SKIL: variants seen among roughly 807,000 people sequenced by gnomAD.
SKIL encodes the protein ski-like protein.
In SKIL, 20 loss-of-function variants were observed where a neutral mutation model predicts 69.6. The ratio of observed to expected loss-of-function variants is 0.29; its 90% CI spans 0.20 to 0.42. The LOEUF is 0.42. SKIL is among the 10% of genes least tolerant of loss of function. The probability of loss-of-function intolerance (pLI) is 1.00; values close to 1 mark genes in which losing one functional copy is unlikely to be tolerated. For synonymous variants in SKIL, 310 were observed against 279.9 expected, an observed-to-expected ratio of 1.11 and a Z score of -1.08; for missense variants, 745 against 783.1, an observed-to-expected ratio of 0.95 and a Z score of 0.58.
At chr3:170,382,709 G>T (rs999403791) in intron 3 of SKIL, among the ~76,000 whole-genome samples, 10 of 134,960 alleles carry the variant, frequency 7.4e-5, no homozygotes, top group African/African-American at 2.7e-4. Flanking sequence ...GCCCCGAGCC[G>T]CAACTTCAAT....
chr3:170,362,341 A>G (rs548266068), intron 2 of SKIL, among the ~76,000 whole-genome samples: 27 of 152,156 alleles, frequency 1.8e-4, no homozygotes, highest in Admixed American at 1.7e-3. Flanking sequence ...CATCTCTACT[A>G]AAAATACAAA....
chr3:170,395,593 C>T lies in SKIL; in HGVS notation c.*3176C>T, dbSNP rs563850299. ...GAAGGAAGGTAAAGTTATAAGGAAA[C>T]TCAAATACTATAAGATGTGTCAAGG... On this transcript the variant is annotated 3_prime_UTR_variant, in exon 7 of 7. Coordinates refer to ENST00000259119, the MANE Select transcript of SKIL (RefSeq NM_005414.5). The T allele has an allele frequency of 6.6e-6, 1 of 152,150 alleles. No homozygotes were observed. The highest frequency in any genetic ancestry group is 1.9e-4 in the East Asian group (1 of 5,188). 9.4% of individuals were successfully genotyped at this position (152,150 alleles called of 1,614,324 possible). A position where few individuals can be genotyped will look rare whatever the true frequency, so the allele number is the denominator to read the frequency against.
At position 170,360,688 on chromosome 3, in the gene SKIL, T is replaced by G; in HGVS notation, c.357T>G (p.Thr119=). 3.1e-6 allele frequency: 5 copies of G among 1,614,206 alleles called. No individual in the cohort carries two copies. Among genetic ancestry groups the G allele is most frequent in the Non-Finnish European group, 4.2e-6 (5 of 1,180,030 alleles). The change falls in exon 2 of 7, where the codon ACT becomes ACG. Residue 119 remains threonine, a synonymous_variant. Coordinates refer to ENST00000259119, the MANE Select transcript of SKIL (RefSeq NM_005414.5). The stretch of plus-strand genomic sequence containing the variant: ...ATTCCCAAGAAAGCATGTCGCCTAC[T>G]GTATTTCTGCCTCTTCCATCACCTC... The part of the protein sequence containing the change: ...ARHSQESMSP[T]VFLPLPSPQV...
chr3:170,362,658 T>C lies in SKIL; in HGVS notation c.1098+1229T>C, dbSNP rs542025702. Among the ~76,000 whole-genome samples the C allele has an allele frequency of 6.6e-5, 10 of 151,320 alleles. No individual in the cohort carries two copies. In the South Asian group the frequency reaches 2.1e-3, roughly 32 times the overall value. ...GGTAAAACCCCATCTCTACTAAAAA[T>C]ACAAAAATTAGCCAGGCATGGTGGT... is the stretch of plus-strand genomic sequence containing the variant. On this transcript the variant is annotated intron_variant, in intron 2 of 6. Coordinates refer to ENST00000259119, the MANE Select transcript of SKIL (RefSeq NM_005414.5).
At chr3:170,366,262 A>G (rs1302342743) in intron 2 of SKIL, among the ~76,000 whole-genome samples, 1 of 152,048 alleles carries the variant, frequency 6.6e-6, no homozygotes, top group Non-Finnish European at 1.5e-5. Context: ...AAAATATGTA[A>G]TATATTAATA....
At chr3:170,380,164 A>G (rs373740175) in intron 2 of SKIL, among the ~76,000 whole-genome samples, 35 of 152,200 alleles carry the variant, frequency 2.3e-4, no homozygotes, top group Admixed American at 4.6e-4. Context: ...TAGGAAATAT[A>G]GTTTAATGAC....
intron 2 of SKIL, among the ~76,000 whole-genome samples, chr3:170,364,013 C>G (rs1433559580): frequency 6.6e-6 from 1 of 152,108 alleles, no homozygotes; most frequent in Non-Finnish European, 1.5e-5. Flanking sequence ...TGCAGTGGCA[C>G]GATCTCGGCT....
At position 170,360,631 on chromosome 3, in the gene SKIL, G is replaced by T. The variant is rs1254558355; in HGVS notation, c.300G>T (p.Ser100=). The T allele has an allele frequency of 6.2e-7, 1 of 1,614,126 alleles. No individual in the cohort carries two copies. Among genetic ancestry groups the T allele is most frequent in the Non-Finnish European group, 8.5e-7 (1 of 1,180,028 alleles). The stretch of plus-strand genomic sequence containing the variant: ...AATTCCATTTAAGTAGTCAGAGCTC[G>T]CTGGGTGGACCAGCAGCATTTTCTG... ...LAQFHLSSQS[S]LGGPAAFSAR... Residue 100 remains serine, a synonymous_variant, in exon 2 of 7, where the codon TCG becomes TCT. Coordinates refer to ENST00000259119, the MANE Select transcript of SKIL (RefSeq NM_005414.5).
intron 2 of SKIL, among the ~76,000 whole-genome samples, chr3:170,371,439 G>A (rs950912848): frequency 2.0e-5 from 3 of 152,116 alleles, no homozygotes; most frequent in African/African-American, 7.2e-5. Context: ...TCCAGGAATC[G>A]GAGGTTGCAA....
chr3:170,391,422 A>G lies in SKIL; in HGVS notation c.1896+162A>G, dbSNP rs546836741. Among the ~76,000 whole-genome samples the G allele has an allele frequency of 7.9e-5, 12 of 151,834 alleles. No homozygotes were observed. The South Asian group carries it at 1.7e-3, about 21-fold the overall frequency. ...AACCTCTGCCTCCCGGGTTCAAGCAATTTTCCTGCCTCAGCCTCCTGATTG... is the reference window on the plus strand; with the variant it reads ...AACCTCTGCCTCCCGGGTTCAAGCAGTTTTCCTGCCTCAGCCTCCTGATTG... On this transcript the variant is annotated intron_variant, in intron 6 of 6. Transcript: ENST00000259119.
intron 2 of SKIL, among the ~76,000 whole-genome samples, chr3:170,368,205 C>T (rs1736639600): frequency 6.6e-6 from 1 of 152,058 alleles, no homozygotes; most frequent in Non-Finnish European, 1.5e-5. Context: ...TTATATTTTG[C>T]AATTAGCAAA....
Position 170,376,042 on chromosome 3 carries a change from CTTTTTTTT to C in SKIL, c.1099-5186_1099-5179del, listed in dbSNP as rs869036195. On this transcript the variant is annotated intron_variant, in intron 2 of 6. Transcript: ENST00000259119. Reference sequence around the variant, plus strand: ...TCTCATTTAATTCAAGCTGATTTTCCTTTTTTTTTTTTTTTTTTTTTTTGAGACGGAGT... The same window carrying C: ...TCTCATTTAATTCAAGCTGATTTTCCTTTTTTTTTTTTTTTGAGACGGAGT... Among the ~76,000 whole-genome samples, 207 of 89,154 alleles carry C rather than the reference CTTTTTTTT, an allele frequency of 2.3e-3. 1 individual carries two copies. Among genetic ancestry groups the C allele is most frequent in the African/African-American group, 8.9e-3 (197 of 22,094 alleles). 58.5% of individuals were successfully genotyped at this position (89,154 alleles called of 152,430 possible).
chr3:170,391,479 C>T (rs922042070), intron 6 of SKIL, among the ~76,000 whole-genome samples: 1 of 151,874 alleles, frequency 6.6e-6, no homozygotes. Flanking sequence ...GACACTATGC[C>T]CAGCTAAATT....
Position 170,361,182 on chromosome 3 carries a change from C to T in SKIL, c.851C>T (p.Pro284Leu), listed in dbSNP as rs763108893. Residue 284 changes from proline to leucine, a missense_variant, in exon 2 of 7, where the codon CCT (proline) becomes CTT (leucine). Physicochemically the swap from Pro to Leu is moderately conservative, Grantham distance 98 (BLOSUM62 -3). Coordinates refer to ENST00000259119, the MANE Select transcript of SKIL (RefSeq NM_005414.5). ...TTTGCACCCCAGTTTTATGTTCAGC[C>T]TGATGCTCCGTGTATTCAATGTCTG... ...GLFAPQFYVQ[P>L]DAPCIQCLEC... The T allele has an allele frequency of 1.9e-6, 3 of 1,614,120 alleles. No homozygotes were observed. The highest frequency in any genetic ancestry group is 2.7e-5 in the African/African-American group (2 of 74,934).
intron 2 of SKIL, among the ~76,000 whole-genome samples, chr3:170,372,717 AC>A (rs990966156): frequency 6.6e-6 from 1 of 152,222 alleles, no homozygotes; most frequent in Non-Finnish European, 1.5e-5. Context: ...AGTATTATAC[AC>A]AGCAAAAAGA....
chr3:170,382,876 G>A (rs1348473180), intron 3 of SKIL, among the ~76,000 whole-genome samples: 2 of 150,890 alleles, frequency 1.3e-5, no homozygotes, highest in Non-Finnish European at 1.5e-5. Flanking sequence ...CCGCTGCTAC[G>A]CCCAGCTAAT....
chr3:170,381,445 T>G, intron 3 of SKIL, 104 bp downstream of exon 3: 2 of 660,372 alleles, frequency 3.0e-6, no homozygotes, highest in Admixed American at 2.3e-5. Context: ...TTATTTATTT[T>G]TTTTGGTGGC....
Position 170,396,384 on chromosome 3 carries a change from GA to G in SKIL, c.*3969del, listed in dbSNP as rs2108233024. ...TTTACTTGTTTTTACTATCCTGTTA[GA>G]AGTATTTGTTTATCCTGATAATTTT... On this transcript the variant is annotated 3_prime_UTR_variant, in exon 7 of 7. Coordinates refer to ENST00000259119, the MANE Select transcript of SKIL (RefSeq NM_005414.5). 6.6e-6 allele frequency: 1 copy of G among 152,226 alleles called. No individual in the cohort carries two copies. The highest frequency in any genetic ancestry group is 2.4e-5 in the African/African-American group (1 of 41,552). The allele number at this position is 152,226 out of a possible 1,614,324, so 9.4% of individuals were successfully genotyped here.
chr3:170,391,654 C>T (rs1445786052), intron 6 of SKIL, among the ~76,000 whole-genome samples: 1 of 152,092 alleles, frequency 6.6e-6, no homozygotes, highest in Non-Finnish European at 1.5e-5. Context: ...TACTTTTTGT[C>T]AAGCTCAGTT....
Sources: gnomAD v4.1 joint callset for allele counts (sites outside exome capture counted in the v4.1 genomes callset) on GRCh38, gnomAD v4.1.1 for gene constraint, MANE v1.5 for transcripts, NCBI Gene and HGNC (gene_info 2026-07-23, HGNC 2026-07-21) for gene names.